The following ROBO2 variants were observed in gnomAD, a reference collection of about 807,000 sequenced individuals.
ROBO2 encodes the protein roundabout homolog 2.
In ROBO2, 53 loss-of-function variants were observed where a neutral mutation model predicts 160.8. The ratio of observed to expected loss-of-function variants is 0.33; its 90% confidence interval spans 0.26 to 0.41. The LOEUF is 0.41. ROBO2 is among the 10% of genes least tolerant of loss of function. ROBO2 has a pLI of 1.00. For missense variants in ROBO2, 1,577 were observed against 1,722.4 expected, an observed-to-expected ratio of 0.92 and a Z score of 1.49; for synonymous variants, 664 against 611.7, an observed-to-expected ratio of 1.09 and a Z score of -1.26.
At chr3:77,613,194 ATTTC>A (rs2094689588) in intron 21 of ROBO2, among the ~76,000 whole-genome samples, 1 of 151,706 alleles carries the variant, frequency 6.6e-6, no homozygotes. Flanking sequence ...TATAACACAT[ATTTC>A]TTCTAATATA....
intron 1 of ROBO2, among the ~76,000 whole-genome samples, chr3:77,042,958 T>C (rs965689268): frequency 1.3e-5 from 2 of 152,226 alleles, no homozygotes; most frequent in African/African-American, 4.8e-5. Context: ...ACTAGTTTTG[T>C]ATTTAGCATC....
intron 2 of ROBO2, among the ~76,000 whole-genome samples, chr3:77,263,986 T>A (rs2058951450): frequency 1.3e-5 from 2 of 152,170 alleles, no homozygotes; most frequent in African/African-American, 4.8e-5. Flanking sequence ...GGCACTTGGT[T>A]CATAGCGAAA....
intron 2 of ROBO2, among the ~76,000 whole-genome samples, chr3:76,351,530 T>A (rs2074874012): frequency 6.6e-6 from 1 of 151,920 alleles, no homozygotes; most frequent in Admixed American, 6.6e-5. Context: ...GAATATATAT[T>A]TTTTCAACTC....
At chr3:76,965,796 T>TATAA (rs2059253205) in intron 2 of ROBO2, among the ~76,000 whole-genome samples, 2 of 146,676 alleles carry the variant, frequency 1.4e-5, no homozygotes, top group African/African-American at 5.0e-5. Context: ...TATATATATA[T>TATAA]ATATATATAT....
chr3:77,373,628 A>C (rs1324365724), intron 2 of ROBO2, among the ~76,000 whole-genome samples: 2 of 152,146 alleles, frequency 1.3e-5, no homozygotes, highest in Non-Finnish European at 2.9e-5. Flanking sequence ...GCTTATCTCC[A>C]GAAAAGCTGC....
intron 8 of ROBO2, among the ~76,000 whole-genome samples, chr3:77,555,197 C>A (rs1003925623): frequency 6.6e-6 from 1 of 151,900 alleles, no homozygotes; most frequent in Non-Finnish European, 1.5e-5. Context: ...TTATTCTACA[C>A]TTAATAGACT....
chr3:77,401,195 G>A (rs549690524), intron 2 of ROBO2, among the ~76,000 whole-genome samples: 2 of 151,596 alleles, frequency 1.3e-5, no homozygotes, highest in East Asian at 1.9e-4. Context: ...GCTCTGGGTG[G>A]ATTGACTATG....
intron 5 of ROBO2, among the ~76,000 whole-genome samples, chr3:77,502,286 A>G (rs1438806263): frequency 2.0e-5 from 3 of 152,142 alleles, no homozygotes; most frequent in Non-Finnish European, 4.4e-5. Context: ...TAGAATTTTT[A>G]TCATATAGTC....
intron 2 of ROBO2, among the ~76,000 whole-genome samples, chr3:76,510,001 C>A (rs951403546): frequency 1.3e-5 from 2 of 152,056 alleles, no homozygotes; most frequent in Admixed American, 1.3e-4. Flanking sequence ...CATTCAGGTG[C>A]AATACGTCTT....
intron 2 of ROBO2, among the ~76,000 whole-genome samples, chr3:76,893,174 T>C (rs1407522377): frequency 6.6e-6 from 1 of 152,084 alleles, no homozygotes; most frequent in African/African-American, 2.4e-5. Flanking sequence ...TTTGCAATGT[T>C]ATCATCATCT....
At chr3:76,240,376 G>A (rs911538171) in intron 2 of ROBO2, among the ~76,000 whole-genome samples, 10 of 151,800 alleles carry the variant, frequency 6.6e-5, no homozygotes, top group Non-Finnish European at 1.2e-4. Context: ...GAGAACATGC[G>A]GTGTTTGGCT....
At chr3:77,164,891 G>T in intron 2 of ROBO2, among the ~76,000 whole-genome samples, 1 of 103,666 alleles carries the variant, frequency 9.6e-6, no homozygotes, top group East Asian at 2.3e-4. Flanking sequence ...GGAGGTGGGG[G>T]GGTCAGCCCC....
chr3:77,232,757 T>C (rs749216111), intron 2 of ROBO2, among the ~76,000 whole-genome samples: 8 of 152,140 alleles, frequency 5.3e-5, no homozygotes, highest in Non-Finnish European at 1.2e-4. Context: ...TTTGGTAAGT[T>C]ATATGTATGT....
chr3:76,710,143 A>G (rs2093261124), intron 2 of ROBO2, among the ~76,000 whole-genome samples: 1 of 149,906 alleles, frequency 6.7e-6, no homozygotes, highest in Non-Finnish European at 1.5e-5. Flanking sequence ...TTTTTGAGAT[A>G]GAGTCTCACT....
chr3:77,360,543 A>C (rs78071266), intron 2 of ROBO2, among the ~76,000 whole-genome samples: 1,664 of 152,138 alleles, frequency 0.011, 17 homozygotes, highest in Middle Eastern at 0.017. Context: ...TTTACCAATA[A>C]ATTTCTTTGT....
chr3:76,655,439 C>CATATACATATATATATATATATATAT (rs1553854507), intron 2 of ROBO2, among the ~76,000 whole-genome samples: 4 of 57,786 alleles, frequency 6.9e-5, no homozygotes, highest in Admixed American at 2.9e-4. Flanking sequence ...GATTTTTTTC[C>CATATACATATATATATATATATATAT]ATATATATAT....
chr3:77,419,649 A>G (rs1237672891), intron 2 of ROBO2, among the ~76,000 whole-genome samples: 2 of 152,130 alleles, frequency 1.3e-5, no homozygotes, highest in East Asian at 3.9e-4. Flanking sequence ...GCTACTTACT[A>G]TGAGAGTAAA....
intron 2 of ROBO2, among the ~76,000 whole-genome samples, chr3:76,302,651 A>G (rs1007919430): frequency 6.6e-6 from 1 of 152,102 alleles, no homozygotes; most frequent in Admixed American, 6.6e-5. Context: ...TTGTATTACA[A>G]TTGCCTAGAG....
At chr3:77,209,201 C>A (rs915521603) in intron 2 of ROBO2, among the ~76,000 whole-genome samples, 6 of 152,058 alleles carry the variant, frequency 3.9e-5, no homozygotes, top group African/African-American at 1.4e-4. Flanking sequence ...GAAAATGGAA[C>A]TCAGTTATTT....
Sources: gnomAD v4.1 joint callset for allele counts (sites outside exome capture counted in the v4.1 genomes callset) on GRCh38, gnomAD v4.1.1 for gene constraint, MANE v1.5 for transcripts, NCBI Gene and HGNC (gene_info 2026-07-23, HGNC 2026-07-21) for gene names.